DGKB: variants seen among roughly 807,000 people sequenced by gnomAD.
DGKB encodes the protein 90 kDa diacylglycerol kinase.
In DGKB, 67 loss-of-function variants were observed where a neutral mutation model predicts 114.3. That is an observed-to-expected ratio of 0.59 (90% CI 0.48 to 0.72). The LOEUF (loss-of-function observed/expected upper bound fraction) is 0.72, where lower values mean the gene tolerates loss of function less well. Among genes scored for constraint, DGKB ranks in the 30% least tolerant of loss-of-function variants. The pLI is 0.00. For synonymous variants in DGKB, 398 were observed against 323.1 expected (o/e 1.23, Z -2.49); for missense variants, 907 against 975.2 (o/e 0.93, Z 0.93).
intron 23 of DGKB, chr7:14,209,114 A>G (rs1274666267): frequency 2.1e-5 from 4 of 192,586 alleles, no homozygotes; most frequent in Non-Finnish European, 3.2e-5. Flanking sequence ...AGTGGGAAAC[A>G]AGCAGTCCTT....
chr7:14,449,630 C>G (rs1007290049), intron 21 of DGKB, among the ~76,000 whole-genome samples: 1 of 152,066 alleles, frequency 6.6e-6, no homozygotes, highest in African/African-American at 2.4e-5. Context: ...TCTGCATTCA[C>G]TTTCCTGAAC....
chr7:14,176,159 T>G (rs1781709293), intron 25 of DGKB: 1 of 160,422 alleles, frequency 6.2e-6, no homozygotes, highest in Non-Finnish European at 1.3e-5. Context: ...ATTTATTCGG[T>G]CCTCTATTAT....
Position 14,532,513 on chromosome 7 carries a change from C to A in DGKB, c.1770+41699G>T, listed in dbSNP as rs530058474. Among the ~76,000 whole-genome samples the A allele has an allele frequency of 2.1e-4, 31 of 151,188 alleles. 1 individual carries two copies. Among genetic ancestry groups the A allele is most frequent in the Middle Eastern group, 6.8e-3 (2 of 294 alleles). The stretch of plus-strand genomic sequence containing the variant: ...ATTTATTAATATATGAGAAAATAAA[C>A]TTTAAGTAAAAATAGTGTTAGAGAT... On this transcript the variant is annotated intron_variant, in intron 20 of 25. Transcript: ENST00000402815.
intron 17 of DGKB, among the ~76,000 whole-genome samples, chr7:14,588,775 A>G (rs62443559): frequency 6.6e-6 from 1 of 152,086 alleles, no homozygotes; most frequent in Non-Finnish European, 1.5e-5. Context: ...GACTTTGTCC[A>G]TCTCTGCACT....
At chr7:14,689,193 C>T (rs1239766533) in intron 9 of DGKB, among the ~76,000 whole-genome samples, 16 of 98,066 alleles carry the variant, frequency 1.6e-4, no homozygotes, top group Non-Finnish European at 2.4e-4. Flanking sequence ...GACAGAAACT[C>T]CTCTTATTTT....
chr7:14,408,867 C>T (rs960247458), intron 21 of DGKB, among the ~76,000 whole-genome samples: 3 of 151,614 alleles, frequency 2.0e-5, no homozygotes, highest in South Asian at 2.1e-4. Context: ...AGCCCTATAA[C>T]CTAGAAATAT....
At chr7:14,906,147 GCT>G (rs1255173107), upstream of DGKB, among the ~76,000 whole-genome samples, 3 of 151,646 alleles carry the variant, frequency 2.0e-5, no homozygotes, top group African/African-American at 4.8e-5. Flanking sequence ...GAAATTCACA[GCT>G]CTCTCTCTAC....
intron 1 of DGKB, among the ~76,000 whole-genome samples, chr7:14,857,174 A>G (rs1365360813): frequency 6.6e-6 from 1 of 151,754 alleles, no homozygotes; most frequent in Non-Finnish European, 1.5e-5. Flanking sequence ...AGGTAAGAGA[A>G]TTGAAGCAGC....
intron 1 of DGKB, among the ~76,000 whole-genome samples, chr7:14,916,712 A>G (rs1190515353): frequency 2.6e-5 from 4 of 152,142 alleles, no homozygotes; most frequent in African/African-American, 9.6e-5. Flanking sequence ...CAACACCTCT[A>G]TAACAGCTAT....
chr7:14,493,166 C>T (rs1005448936), intron 20 of DGKB, among the ~76,000 whole-genome samples: 1 of 151,972 alleles, frequency 6.6e-6, no homozygotes, highest in Non-Finnish European at 1.5e-5. Flanking sequence ...TTATGTTCTA[C>T]TCTGCTATTT....
chr7:14,719,190 C>CT (rs1226078225), intron 5 of DGKB, among the ~76,000 whole-genome samples: 13 of 151,998 alleles, frequency 8.6e-5, no homozygotes, highest in South Asian at 6.2e-4. Flanking sequence ...AGAAGACATC[C>CT]TTTTTTACCA....
chr7:14,921,476 G>T (rs1196315983), intron 1 of DGKB, among the ~76,000 whole-genome samples: 1 of 152,164 alleles, frequency 6.6e-6, no homozygotes, highest in Admixed American at 6.6e-5. Flanking sequence ...CATAACCCAT[G>T]TGAAAAATGT....
chr7:14,293,855 C>T (rs1802124255), intron 23 of DGKB, among the ~76,000 whole-genome samples: 1 of 152,156 alleles, frequency 6.6e-6, no homozygotes, highest in African/African-American at 2.4e-5. Context: ...TTACAACCTT[C>T]CTCTCTGACT....
chr7:14,465,363 A>T (rs2128876793), intron 21 of DGKB, among the ~76,000 whole-genome samples: 1 of 152,336 alleles, frequency 6.6e-6, no homozygotes, highest in East Asian at 1.9e-4. Context: ...GATCCTGATG[A>T]TGAATTCTGA....
rs371170912 is a variant in DGKB, at chr7:14,647,882, C to T, written c.1135-17614G>A. On this transcript the variant is annotated intron_variant, in intron 13 of 25. Transcript: ENST00000402815. Reference sequence around the variant, plus strand: ...CTTTCTGAGTCAAAGAAAGGGGTGACGGACAGCACCTGGAAAATCGGGTCA... The same window carrying T: ...CTTTCTGAGTCAAAGAAAGGGGTGATGGACAGCACCTGGAAAATCGGGTCA... Among the ~76,000 whole-genome samples the T allele has an allele frequency of 1.5e-4, 23 of 152,292 alleles. No homozygotes were observed. In the East Asian group the frequency reaches 2.1e-3, roughly 14 times the overall value.
rs548376638 is a variant in DGKB, at chr7:14,696,627, G to C, written c.591+1468C>G. Among the ~76,000 whole-genome samples the C allele has an allele frequency of 1.6e-3, 242 of 151,986 alleles. 1 individual carries two copies. Among genetic ancestry groups the C allele is most frequent in the Non-Finnish European group, 2.7e-3 (181 of 67,994 alleles). ...ATGACTAATCTGCACAGGTAGAAAGGTGAGTAGGAGAGGAGAAAGCTGTTG... is the reference window on the plus strand; with the variant it reads ...ATGACTAATCTGCACAGGTAGAAAGCTGAGTAGGAGAGGAGAAAGCTGTTG... On this transcript the variant is annotated intron_variant, in intron 8 of 25. Transcript: ENST00000402815.
At chr7:14,798,252 G>C (rs998039665) in intron 2 of DGKB, among the ~76,000 whole-genome samples, 13 of 152,122 alleles carry the variant, frequency 8.5e-5, no homozygotes, top group Admixed American at 2.6e-4. Flanking sequence ...CTTGAAGACT[G>C]GGTTTTTACC....
chr7:14,707,399 C>G (rs1227799945), intron 6 of DGKB, among the ~76,000 whole-genome samples: 1 of 146,560 alleles, frequency 6.8e-6, no homozygotes, highest in Non-Finnish European at 1.5e-5. Flanking sequence ...CAAGGAGGAA[C>G]TGGTACCATT....
chr7:14,859,320 T>C (rs1850641783), intron 1 of DGKB, among the ~76,000 whole-genome samples: 1 of 152,070 alleles, frequency 6.6e-6, no homozygotes, highest in East Asian at 1.9e-4. Context: ...TGAGGCTCCT[T>C]TGTCAGTCTC....
Sources: allele counts gnomAD v4.1 joint callset (sites outside exome capture counted in the v4.1 genomes callset), GRCh38; gene constraint gnomAD v4.1.1; transcripts MANE v1.5; gene names NCBI Gene and HGNC (gene_info 2026-07-23, HGNC 2026-07-21).